CACNA1C: variants seen among roughly 807,000 people sequenced by gnomAD.
CACNA1C encodes the protein voltage-dependent L-type calcium channel subunit alpha-1C.
A neutral mutation model predicts 229.0 loss-of-function variants in CACNA1C; 30 were observed. That is an observed-to-expected ratio of 0.13 (90% confidence interval 0.10 to 0.18). CACNA1C has a LOEUF of 0.18. Among genes scored for constraint, CACNA1C ranks in the 10% least tolerant of loss-of-function variants. The probability of loss-of-function intolerance (pLI) is 1.00; values close to 1 mark genes in which losing one functional copy is unlikely to be tolerated. For synonymous variants in CACNA1C, 1,114 were observed against 1,132.5 expected (o/e 0.98, Z 0.33); for missense variants, 1,658 against 2,845.0 (o/e 0.58, Z 9.49).
intron 3 of CACNA1C, among the ~76,000 whole-genome samples, chr12:2,423,739 A>G (rs1213725438): frequency 6.6e-6 from 1 of 152,176 alleles, no homozygotes. Flanking sequence ...CGCTGTGTCT[A>G]CCTTAGGATT....
At chr12:2,370,137 G>T (rs1249923243) in intron 3 of CACNA1C, among the ~76,000 whole-genome samples, 2 of 152,070 alleles carry the variant, frequency 1.3e-5, no homozygotes, top group Non-Finnish European at 2.9e-5. Context: ...AGCCTCACTA[G>T]TAAAATAGAA....
chr12:2,014,772 G>A (rs144684792), intron 1 of CACNA1C, among the ~76,000 whole-genome samples: 2 of 152,176 alleles, frequency 1.3e-5, no homozygotes, highest in African/African-American at 4.8e-5. Context: ...TTGGACATAA[G>A]ACTTTTCTGG....
intron 3 of CACNA1C, among the ~76,000 whole-genome samples, chr12:2,195,785 G>T (rs1023795966): frequency 4.6e-5 from 7 of 152,208 alleles, no homozygotes; most frequent in African/African-American, 1.7e-4. Flanking sequence ...GTCGAAACCG[G>T]GAAGGGGCTT....
chr12:2,655,680 G>A (rs192900741), intron 34 of CACNA1C, among the ~76,000 whole-genome samples: 12 of 152,286 alleles, frequency 7.9e-5, no homozygotes, highest in Admixed American at 4.6e-4. Flanking sequence ...TGCACTGGGC[G>A]TCATCCTCAC....
chr12:2,201,830 T>G (rs1277273030), intron 3 of CACNA1C, among the ~76,000 whole-genome samples: 1 of 152,184 alleles, frequency 6.6e-6, no homozygotes, highest in Admixed American at 6.5e-5. Flanking sequence ...GCTGGCCAGA[T>G]ATCTCTTTAG....
chr12:2,684,745 G>A (rs371018659), intron 43 of CACNA1C, among the ~76,000 whole-genome samples: 7 of 152,328 alleles, frequency 4.6e-5, no homozygotes, highest in African/African-American at 1.7e-4. Flanking sequence ...AAGAGCCAGG[G>A]TGATTTGCAT....
chr12:2,160,631 A>T (rs961105272), intron 3 of CACNA1C, among the ~76,000 whole-genome samples: 31 of 152,216 alleles, frequency 2.0e-4, no homozygotes, highest in African/African-American at 7.2e-4. Context: ...TCCAACCTGG[A>T]GCTCCCACAT....
rs142628034 is a variant in CACNA1C at position 2,228,691 on chromosome 12, A to G, written c.477+108261A>G. 1.5e-4 allele frequency among the ~76,000 whole-genome samples: 23 copies of G among 152,204 alleles called. No individual in the cohort carries two copies. The East Asian group carries it at 3.7e-3, about 24-fold the overall frequency. On this transcript the variant is annotated intron_variant, in intron 3 of 46. Transcript: ENST00000399655. ...TTTCTCCAGGTACACTCATTCCATC[A>G]TTTCATCTCTGGCACTGTGCCAGCA...
rs1279378415 is a variant in CACNA1C at position 2,054,292 on chromosome 12, T to C, written c.49+681T>C. Among the ~76,000 whole-genome samples, 1 of 152,128 alleles carries C rather than the reference T, an allele frequency of 6.6e-6. No individual in the cohort carries two copies. The highest frequency in any genetic ancestry group is 6.5e-5 in the Admixed American group (1 of 15,284). On this transcript the variant is annotated intron_variant, in intron 1 of 46. Coordinates refer to ENST00000399655, the MANE Select transcript of CACNA1C (RefSeq NM_000719.7). The surrounding 1 kb of genome is among the most constrained non-coding windows in gnomAD (Gnocchi z 5.5). The stretch of plus-strand genomic sequence containing the variant: ...ACACCCACCCACCTCTCCACTGCTG[T>C]TGACCCCGAGCGCGCCCACGCCGCG...
chr12:2,392,770 C>A (rs952876257), intron 3 of CACNA1C, among the ~76,000 whole-genome samples: 1 of 152,136 alleles, frequency 6.6e-6, no homozygotes, highest in Non-Finnish European at 1.5e-5. Context: ...TTTCCTGTGG[C>A]CTTTACCTGG....
chr12:2,276,947 A>G (rs2088497705), intron 3 of CACNA1C, among the ~76,000 whole-genome samples: 2 of 152,110 alleles, frequency 1.3e-5, no homozygotes, highest in African/African-American at 4.8e-5. Context: ...GCTACTCCAT[A>G]AAACTACCTG....
Position 2,215,236 on chromosome 12 carries a change from C to A in CACNA1C, c.477+94806C>A, listed in dbSNP as rs962536128. ...CTATTTGTGGGTGTTCTGTTGCATT[C>A]AGTGGGGCTTCAGTCTTCATTTTCC... On this transcript the variant is annotated intron_variant, in intron 3 of 46. Transcript: ENST00000399655. This position sits in a 1 kb window ranked among gnomAD's most constrained non-coding sequence, Gnocchi z 5.0. Among the ~76,000 whole-genome samples the A allele has an allele frequency of 3.9e-5, 6 of 152,220 alleles. No homozygotes were observed. The highest frequency in any genetic ancestry group is 1.4e-4 in the African/African-American group (6 of 41,466).
intron 30 of CACNA1C, among the ~76,000 whole-genome samples, chr12:2,637,850 T>A (rs1032822485): frequency 1.3e-5 from 2 of 152,236 alleles, no homozygotes; most frequent in African/African-American, 4.8e-5. Context: ...TGAGGGCGTT[T>A]CACCTGTAAC....
At position 2,287,446 on chromosome 12, in the gene CACNA1C, T is replaced by C. The variant is rs558826623; in HGVS notation, c.478-161530T>C. On this transcript the variant is annotated intron_variant, in intron 3 of 46. Coordinates refer to ENST00000399655, the MANE Select transcript of CACNA1C (RefSeq NM_000719.7). This position sits in a 1 kb window ranked among gnomAD's most constrained non-coding sequence, Gnocchi z 4.6. ...GTGTTCCGTGGCTGTTTAGGAAGGT[T>C]GGGTCAGTGGAGATCAGGGCCCGAA... Among the ~76,000 whole-genome samples, 1 of 152,286 alleles carries C rather than the reference T, an allele frequency of 6.6e-6. No individual in the cohort carries two copies. The highest frequency in any genetic ancestry group is 6.5e-5 in the Admixed American group (1 of 15,298).
intron 3 of CACNA1C, among the ~76,000 whole-genome samples, chr12:2,156,955 T>C (rs1203989701): frequency 6.6e-6 from 1 of 152,194 alleles, no homozygotes; most frequent in East Asian, 1.9e-4. Context: ...AGACTTTGCA[T>C]GTACTGTATG....
At chr12:2,313,234 G>T (rs1284289413) in intron 3 of CACNA1C, among the ~76,000 whole-genome samples, 1 of 152,196 alleles carries the variant, frequency 6.6e-6, no homozygotes, top group Non-Finnish European at 1.5e-5. Context: ...TGTATGCTGT[G>T]ATAGACAGGG....
intron 3 of CACNA1C, among the ~76,000 whole-genome samples, chr12:2,389,623 C>T (rs1470912840): frequency 6.6e-6 from 1 of 152,226 alleles, no homozygotes; most frequent in Admixed American, 6.5e-5. Flanking sequence ...GCTTCCTGGA[C>T]TGGCCTCATT....
chr12:1,991,035 C>T (rs1476952757), intron 1 of CACNA1C: 11 of 445,008 alleles, frequency 2.5e-5, no homozygotes, highest in Non-Finnish European at 1.3e-5. Flanking sequence ...AGATCCATTC[C>T]CTTTCACTCT....
intron 1 of CACNA1C, among the ~76,000 whole-genome samples, chr12:2,085,007 T>G (rs188932072): frequency 1.1e-3 from 161 of 152,358 alleles, no homozygotes; most frequent in Admixed American, 8.1e-3. Context: ...CAGCAGCACA[T>G]TTGGCAAATT....
Sources: gnomAD v4.1 joint callset for allele counts (sites outside exome capture counted in the v4.1 genomes callset) on GRCh38, gnomAD v4.1.1 for gene constraint, Gnocchi (gnomAD v3.1) non-coding constraint, MANE v1.5 for transcripts, NCBI Gene and HGNC (gene_info 2026-07-23, HGNC 2026-07-21) for gene names.